ADAM22: variants seen among roughly 807,000 people sequenced by gnomAD.
ADAM22 encodes the protein ADAM metallopeptidase domain 22.
ADAM22 carries 65 observed loss-of-function variants against 144.6 expected under a neutral mutation model. The observed-to-expected ratio is 0.45, with a 90% CI of 0.37 to 0.55. The LOEUF is 0.55. ADAM22 is among the 20% of genes least tolerant of loss of function. The probability of loss-of-function intolerance (pLI) is 0.00; values close to 1 mark genes in which losing one functional copy is unlikely to be tolerated. For synonymous variants in ADAM22, 391 were observed against 412.6 expected (o/e 0.95, Z 0.63); for missense variants, 974 against 1,184.9 (o/e 0.82, Z 2.61).
chr7:88,158,857 G>A (rs1008966479), intron 22 of ADAM22, among the ~76,000 whole-genome samples: 7 of 151,886 alleles, frequency 4.6e-5, no homozygotes, highest in Non-Finnish European at 1.0e-4. Context: ...AACTAGAGAA[G>A]CAAGAACAAA....
intron 1 of ADAM22, 136 bp from the exon 2 acceptor site, chr7:87,934,890 G>C (rs754879916): frequency 3.0e-5 from 38 of 1,248,534 alleles, no homozygotes; most frequent in Non-Finnish European, 4.2e-5. Flanking sequence ...GTCCTTCCCA[G>C]TTGGGTTCCG....
intron 3 of ADAM22, among the ~76,000 whole-genome samples, chr7:88,042,241 C>G (rs1288619258): frequency 6.6e-6 from 1 of 151,994 alleles, no homozygotes; most frequent in Admixed American, 6.6e-5. Context: ...AAGAAAGATT[C>G]AAGTTTACTT....
intron 4 of ADAM22, among the ~76,000 whole-genome samples, chr7:88,084,259 G>A (rs765173342): frequency 3.3e-5 from 5 of 152,136 alleles, no homozygotes; most frequent in Middle Eastern, 3.2e-3. Context: ...CTCATGAAGC[G>A]CTGACTTTGC....
Position 88,039,462 on chromosome 7 carries a change from A to T in ADAM22, c.324-36164A>T, listed in dbSNP as rs201915162. Reference sequence around the variant, plus strand: ...GAGATTCTGTCTCAAAAAAAAAAAAAAAATATATATATATATATATATACA... The same window carrying T: ...GAGATTCTGTCTCAAAAAAAAAAAATAAATATATATATATATATATATACA... On this transcript the variant is annotated intron_variant, in intron 3 of 31. Coordinates refer to ENST00000413139, the MANE Select transcript of ADAM22 (RefSeq NM_001324418.2). Among the ~76,000 whole-genome samples the T allele has an allele frequency of 5.6e-3, 423 of 75,820 alleles. 19 individuals are homozygous for T. The highest frequency in any genetic ancestry group is 0.011 in the East Asian group (24 of 2,214). The allele number at this position is 75,820 out of a possible 152,430, so 49.7% of individuals were successfully genotyped here.
intron 31 of ADAM22, among the ~76,000 whole-genome samples, chr7:88,194,735 CAG>C (rs1850326444): frequency 6.6e-6 from 1 of 152,094 alleles, no homozygotes; most frequent in Admixed American, 6.6e-5. Context: ...TCTCTGAGGC[CAG>C]AGTCTAATCC....
chr7:88,030,181 G>A (rs573106564), intron 3 of ADAM22, among the ~76,000 whole-genome samples: 2 of 151,600 alleles, frequency 1.3e-5, no homozygotes, highest in African/African-American at 2.4e-5. Context: ...TTAAAAATTT[G>A]TCTCCTCTGA....
chr7:88,169,898 T>G (rs1044519575), intron 25 of ADAM22, among the ~76,000 whole-genome samples: 1 of 152,108 alleles, frequency 6.6e-6, no homozygotes, highest in Non-Finnish European at 1.5e-5. Context: ...CCTTCTGGAG[T>G]GTGTGATTTT....
chr7:88,062,867 A>T (rs979623896), intron 3 of ADAM22, among the ~76,000 whole-genome samples: 1 of 152,020 alleles, frequency 6.6e-6, no homozygotes, highest in Non-Finnish European at 1.5e-5. Context: ...AGGGAGGGAG[A>T]TGGGGGAATG....
At chr7:87,982,244 A>G (rs1236225066) in intron 3 of ADAM22, among the ~76,000 whole-genome samples, 1 of 152,014 alleles carries the variant, frequency 6.6e-6, no homozygotes, top group East Asian at 1.9e-4. Context: ...CAAACAATGA[A>G]CATGTTAAAT....
In ADAM22 at chr7:87,961,518, CT is replaced by C. The variant is rs140889160; in HGVS notation, c.247-16815del. 2.1e-3 allele frequency among the ~76,000 whole-genome samples: 320 copies of C among 152,280 alleles called. 3 individuals are homozygous for C. The highest frequency in any genetic ancestry group is 7.5e-3 in the African/African-American group (311 of 41,574). ...CACAATGTAATGCATTTGGATTCTTCTTTGCAAGACAGTATTACTTCCATGC... is the reference window on the plus strand; with the variant it reads ...CACAATGTAATGCATTTGGATTCTTCTTGCAAGACAGTATTACTTCCATGC... On this transcript the variant is annotated intron_variant, in intron 2 of 31. Transcript: ENST00000413139.
chr7:88,053,888 T>A (rs1419370260), intron 3 of ADAM22, among the ~76,000 whole-genome samples: 1 of 152,172 alleles, frequency 6.6e-6, no homozygotes, highest in Non-Finnish European at 1.5e-5. Flanking sequence ...CGCAGCACTT[T>A]GGGAGGCTGA....
intron 4 of ADAM22, 53 bp downstream of exon 4, chr7:88,075,745 T>C (rs1006634552): frequency 6.7e-6 from 8 of 1,189,200 alleles, no homozygotes; most frequent in Non-Finnish European, 1.0e-5. Flanking sequence ...CTTTTAATAC[T>C]ACTGATTATT....
rs550674779 is a variant in ADAM22, at chr7:88,196,739, C to G, written c.*248C>G. ...ACTATAACATGGAACAATAAAGGTACTGGTATGTTAATGGATAATCCGCAT... is the reference window on the plus strand; with the variant it reads ...ACTATAACATGGAACAATAAAGGTAGTGGTATGTTAATGGATAATCCGCAT... On this transcript the variant is annotated 3_prime_UTR_variant, in exon 32 of 32. Coordinates refer to ENST00000413139, the MANE Select transcript of ADAM22 (RefSeq NM_001324418.2). The G allele has an allele frequency of 1.9e-6, 1 of 531,028 alleles. No individual in the cohort carries two copies. Among genetic ancestry groups the G allele is most frequent in the South Asian group, 2.4e-5 (1 of 42,214 alleles). 32.9% of individuals were successfully genotyped at this position (531,028 alleles called of 1,614,324 possible).
intron 3 of ADAM22, among the ~76,000 whole-genome samples, chr7:87,979,869 G>A (rs1253341887): frequency 6.6e-6 from 1 of 152,168 alleles, no homozygotes; most frequent in Non-Finnish European, 1.5e-5. Context: ...GATTTGGAAA[G>A]TCAGGTTCTT....
intron 3 of ADAM22, among the ~76,000 whole-genome samples, chr7:88,053,630 AAGAAAG>A (rs1197031013): frequency 1.8e-5 from 2 of 110,368 alleles, no homozygotes; most frequent in African/African-American, 2.7e-5. Context: ...GAAAGAAAGA[AAGAAAG>A]AAAGAAAGAA....
intron 26 of ADAM22, among the ~76,000 whole-genome samples, chr7:88,177,389 A>G (rs1845938673): frequency 6.6e-6 from 1 of 152,166 alleles, no homozygotes; most frequent in African/African-American, 2.4e-5. Context: ...ATAAATGTGA[A>G]GTTTCATATT....
At chr7:88,140,320 G>T (rs1834229895) in intron 14 of ADAM22, among the ~76,000 whole-genome samples, 1 of 151,982 alleles carries the variant, frequency 6.6e-6, no homozygotes, top group Non-Finnish European at 1.5e-5. Flanking sequence ...GAGCACTTAG[G>T]TTCCTCCTGT....
intron 3 of ADAM22, among the ~76,000 whole-genome samples, chr7:88,011,101 T>A (rs1394794303): frequency 2.0e-5 from 3 of 152,206 alleles, no homozygotes; most frequent in African/African-American, 7.2e-5. Flanking sequence ...CCCATTTAAC[T>A]TGGAATATAA....
At chr7:87,940,227 A>T (rs1424369763) in intron 2 of ADAM22, among the ~76,000 whole-genome samples, 1 of 151,502 alleles carries the variant, frequency 6.6e-6, no homozygotes, top group Non-Finnish European at 1.5e-5. Context: ...ACCAAGATGG[A>T]TATGCTGATT....
Sources: gnomAD v4.1 joint callset for allele counts (sites outside exome capture counted in the v4.1 genomes callset) on GRCh38, gnomAD v4.1.1 for gene constraint, MANE v1.5 for transcripts, NCBI Gene and HGNC (gene_info 2026-07-23, HGNC 2026-07-21) for gene names.